The following OSTM1 variants were observed in gnomAD, a reference collection of about 807,000 sequenced individuals.
The protein encoded by OSTM1 is osteoclastogenesis associated transmembrane protein 1, also known as osteopetrosis-associated transmembrane protein 1.
In OSTM1, 26 loss-of-function variants were observed where a neutral mutation model predicts 35.4. The observed-to-expected ratio is 0.73, with a 90% CI of 0.54 to 1.02. The LOEUF (loss-of-function observed/expected upper bound fraction) is 1.02, where lower values mean the gene tolerates loss of function less well. Among genes scored for constraint, OSTM1 ranks in the 50% least tolerant of loss-of-function variants. The pLI is 0.00. For missense variants in OSTM1, 366 were observed against 409.6 expected (o/e 0.89, Z 0.92); for synonymous variants, 181 against 165.0 (o/e 1.10, Z -0.75).
chr6:108,058,383 A>G (rs1330626372), intron 2 of OSTM1, among the ~76,000 whole-genome samples: 1 of 152,216 alleles, frequency 6.6e-6, no homozygotes, highest in Non-Finnish European at 1.5e-5. Context: ...CTTTGTACCT[A>G]AATGACCTAA....
chr6:108,060,293 G>A (rs1031854731), intron 2 of OSTM1, among the ~76,000 whole-genome samples: 7 of 152,036 alleles, frequency 4.6e-5, no homozygotes, highest in Non-Finnish European at 7.4e-5. Flanking sequence ...CCTCACAGAA[G>A]AACAAAATAC....
intron 1 of OSTM1, among the ~76,000 whole-genome samples, chr6:108,072,610 C>T (rs1772503940): frequency 7.2e-6 from 1 of 138,792 alleles, no homozygotes; most frequent in South Asian, 2.3e-4. Flanking sequence ...TCCATCCAGC[C>T]TGGGCAACAG....
At chr6:108,067,301 T>C (rs1772396955) in intron 1 of OSTM1, among the ~76,000 whole-genome samples, 1 of 152,136 alleles carries the variant, frequency 6.6e-6, no homozygotes, top group South Asian at 2.1e-4. Context: ...CCCATTAAGG[T>C]GGGGAAGGCA....
At chr6:108,069,240 C>T (rs1056122997) in intron 1 of OSTM1, among the ~76,000 whole-genome samples, 2 of 152,148 alleles carry the variant, frequency 1.3e-5, no homozygotes, top group Non-Finnish European at 2.9e-5. Context: ...CATGCTATAT[C>T]CCTAGTAGCT....
At chr6:108,071,592 C>T (rs980079820) in intron 1 of OSTM1, among the ~76,000 whole-genome samples, 1 of 150,556 alleles carries the variant, frequency 6.6e-6, no homozygotes, top group Non-Finnish European at 1.5e-5. Flanking sequence ...GGATTACAGA[C>T]ACGAGCCACC....
chr6:108,046,609 T>G (rs1049753367), intron 5 of OSTM1, among the ~76,000 whole-genome samples: 1 of 151,474 alleles, frequency 6.6e-6, no homozygotes, highest in African/African-American at 2.4e-5. Flanking sequence ...CCTCCCAAAG[T>G]GCTGGGATTA....
chr6:108,051,194 T>A lies in OSTM1; in HGVS notation c.620A>T (p.Asn207Ile), dbSNP rs1478156213. The A allele has an allele frequency of 6.2e-7, 1 of 1,609,612 alleles. No homozygotes were observed. The change falls in exon 4 of 6, where the codon AAT (asparagine) becomes ATT (isoleucine). Residue 207 changes from asparagine (N) to isoleucine (I), a missense_variant. Physicochemically the swap from Asn to Ile is moderately radical, Grantham distance 149. Transcript: ENST00000193322. ...LTCFEHNLQG[N>I]AHSLLQTKNY... ...TTTTGTCTGTAAAAGACTATGTGCATTCCCCTAAAATGACAAAGGCACATG... is the reference window on the plus strand; with the variant it reads ...TTTTGTCTGTAAAAGACTATGTGCAATCCCCTAAAATGACAAAGGCACATG...
intron 3 of OSTM1, among the ~76,000 whole-genome samples, chr6:108,053,095 T>C (rs759733804): frequency 4.6e-5 from 7 of 152,226 alleles, no homozygotes; most frequent in Admixed American, 6.5e-5. Flanking sequence ...TCTTATTCCC[T>C]AATAAACTCA....
intron 1 of OSTM1, among the ~76,000 whole-genome samples, chr6:108,070,656 G>T (rs540915476): frequency 1.3e-5 from 2 of 151,800 alleles, no homozygotes; most frequent in East Asian, 3.9e-4. Flanking sequence ...CTGGGAGGCC[G>T]AGCCGGGTGG....
At chr6:108,054,349 G>A in intron 3 of OSTM1, 141 bp downstream of exon 3, 1 of 441,386 alleles carries the variant, frequency 2.3e-6, no homozygotes, top group East Asian at 3.6e-5. Flanking sequence ...ACTTACTTAA[G>A]AGCAGAAATC....
chr6:108,051,164 TA>T lies in OSTM1; in HGVS notation c.649del (p.Tyr217IlefsTer15). The T allele has an allele frequency of 6.2e-7, 1 of 1,613,600 alleles. No individual in the cohort carries two copies. The highest frequency in any genetic ancestry group is 8.5e-7 in the Non-Finnish European group (1 of 1,179,648). On this transcript the variant is annotated frameshift_variant, in exon 4 of 6. Transcript: ENST00000193322. LOFTEE classifies it high-confidence loss of function. ...NAHSLLQTKN[Y>X]SEVCKNCREA... ...ACGGCAGTTTTTGCATACTTCTGAA[TA>T]ATTTTTTGTCTGTAAAAGACTATGT...
At position 108,051,194 on chromosome 6, in the gene OSTM1, T is replaced by C. The variant is rs1478156213; in HGVS notation, c.620A>G (p.Asn207Ser). The change falls in exon 4 of 6, where the codon AAT (asparagine) becomes AGT (serine). Residue 207 changes from asparagine (N) to serine (S), a missense_variant. Physicochemically the swap from Asn to Ser is conservative, Grantham distance 46. This residue lies in a region of OSTM1 where 125 missense variants were observed against 151.7 expected (regional missense o/e 0.82). Coordinates refer to ENST00000193322, the MANE Select transcript of OSTM1 (RefSeq NM_014028.4). ...LTCFEHNLQG[N>S]AHSLLQTKNY... ...TTTTGTCTGTAAAAGACTATGTGCA[T>C]TCCCCTAAAATGACAAAGGCACATG... 1.9e-6 allele frequency: 3 copies of C among 1,609,612 alleles called. No homozygotes were observed. The highest frequency in any genetic ancestry group is 3.3e-5 in the Admixed American group (2 of 60,014).
At chr6:108,064,020 T>C (rs556238017) in intron 2 of OSTM1, among the ~76,000 whole-genome samples, 165 bp downstream of exon 2, 2 of 152,242 alleles carry the variant, frequency 1.3e-5, no homozygotes, top group Non-Finnish European at 2.9e-5. Context: ...CCTTTCGCTA[T>C]TTGCTCAGTT....
intron 1 of OSTM1, among the ~76,000 whole-genome samples, chr6:108,067,745 G>A (rs1369988490): frequency 6.2e-5 from 9 of 146,276 alleles, no homozygotes; most frequent in East Asian, 4.1e-4. Flanking sequence ...CTGGAGAATC[G>A]CTTGAACCTG....
In OSTM1 at chr6:108,074,546, C is replaced by G; in HGVS notation, c.106G>C (p.Gly36Arg). ...SGLALGALPF[G>R]SSPHRVFHDL... ...TGGAAGACCCTGTGCGGACTGCTGC[C>G]GAAGGGGAGCGCGCCCAGGGCCAGC... Residue 36 changes from glycine (G) to arginine (R), a missense_variant, in exon 1 of 6, where the codon GGC becomes CGC. Around this residue, in one of 3 missense-constraint regions of OSTM1, gnomAD observed 236 missense variants for 239.3 expected, o/e 0.99. Transcript: ENST00000193322. The G allele has an allele frequency of 6.4e-7, 1 of 1,556,098 alleles. No homozygotes were observed. The highest frequency in any genetic ancestry group is 8.7e-7 in the Non-Finnish European group (1 of 1,152,218).
At chr6:108,061,589 A>T (rs981712322) in intron 2 of OSTM1, among the ~76,000 whole-genome samples, 2 of 152,030 alleles carry the variant, frequency 1.3e-5, no homozygotes, top group African/African-American at 2.4e-5. Flanking sequence ...GCAGTGGCAC[A>T]GTCATAGCTC....
chr6:108,065,857 C>G (rs181028245), intron 1 of OSTM1, among the ~76,000 whole-genome samples: 37 of 152,242 alleles, frequency 2.4e-4, no homozygotes, highest in Admixed American at 1.0e-3. Context: ...AAAATCAATA[C>G]AGTAGAGCCT....
chr6:108,054,581 A>T lies in OSTM1; in HGVS notation c.524T>A (p.Leu175Ter). 6.7e-7 allele frequency: 1 copy of T among 1,492,170 alleles called. No individual in the cohort carries two copies. Among genetic ancestry groups the T allele is most frequent in the Non-Finnish European group, 9.3e-7 (1 of 1,072,124 alleles). 92.4% of individuals were successfully genotyped at this position (1,492,170 alleles called of 1,614,324 possible). A position where few individuals can be genotyped will look rare whatever the true frequency, so the allele number is the denominator to read the frequency against. ...TWQEANCANC[L>*]TNNSEELSNS... The stretch of plus-strand genomic sequence containing the variant: ...TGATAATTCTTCACTGTTGTTTGTT[A>T]AACAATCTGTCAAAAAAATTCAAAA... The change falls in exon 3 of 6, where the codon TTA becomes TAA. Residue 175 changes from leucine (L) to a stop codon, truncating the protein, a stop_gained. Transcript: ENST00000193322. LOFTEE classifies it high-confidence loss of function.
chr6:108,073,170 T>C (rs189402271), intron 1 of OSTM1, among the ~76,000 whole-genome samples: 1 of 152,336 alleles, frequency 6.6e-6, no homozygotes, highest in East Asian at 1.9e-4. Flanking sequence ...GGTACAAATT[T>C]ATATTTAGTG....
Sources: gnomAD v4.1 joint callset for allele counts (sites outside exome capture counted in the v4.1 genomes callset) on GRCh38, gnomAD v4.1.1 for gene constraint, gnomAD v4.1.1 regional missense constraint, MANE v1.5 for transcripts, NCBI Gene and HGNC (gene_info 2026-07-23, HGNC 2026-07-21) for gene names.